EEPD1: variants seen among roughly 807,000 people sequenced by gnomAD.
EEPD1 encodes the protein endonuclease/exonuclease/phosphatase family domain-containing protein 1.
Under a neutral mutation model 46.3 loss-of-function variants are expected in EEPD1, and 17 were observed. The ratio of observed to expected loss-of-function variants is 0.37; its 90% CI spans 0.25 to 0.55. The LOEUF (loss-of-function observed/expected upper bound fraction) is 0.55. Ranked by LOEUF, EEPD1 falls within the 20% of genes least tolerant of loss-of-function variation. EEPD1 has a pLI of 0.83. For synonymous variants in EEPD1, 313 were observed against 315.6 expected (o/e 0.99, Z 0.09); for missense variants, 673 against 745.6 (o/e 0.90, Z 1.13).
chr7:36,163,926 C>T (rs941392926), intron 2 of EEPD1, among the ~76,000 whole-genome samples: 1 of 151,182 alleles, frequency 6.6e-6, no homozygotes, highest in Non-Finnish European at 1.5e-5. Context: ...TAATGCTTCT[C>T]AGAGTAGTTG....
rs1787590942 is a variant in EEPD1 at position 36,299,907 on chromosome 7, G to GGC, written c.*704_*705dup. On this transcript the variant is annotated 3_prime_UTR_variant, in exon 8 of 8. Transcript: ENST00000242108. Reference sequence around the variant, plus strand: ...TGTCCCCACCTTGAGGCCTTGCAGAGGCGCCTCTCAAGGCCCCATCAGCTC... The same window carrying GGC: ...TGTCCCCACCTTGAGGCCTTGCAGAGGCGCGCCTCTCAAGGCCCCATCAGCTC... 6.6e-6 allele frequency: 1 copy of GGC among 152,192 alleles called. No homozygotes were observed. The highest frequency in any genetic ancestry group is 6.5e-5 in the Admixed American group (1 of 15,278). 9.4% of individuals were successfully genotyped at this position (152,192 alleles called of 1,614,324 possible). A position where few individuals can be genotyped will look rare whatever the true frequency, so the allele number is the denominator to read the frequency against.
At position 36,281,238 on chromosome 7, in the gene EEPD1, G is replaced by A. The variant is rs750540337; in HGVS notation, c.1041+13G>A. ...TCAGCTCCAGAAGGTACCCTCGTCTGCAAAGCCTGGCCTTTCCCTTCATTT... is the reference window on the plus strand; with the variant it reads ...TCAGCTCCAGAAGGTACCCTCGTCTACAAAGCCTGGCCTTTCCCTTCATTT... On this transcript the variant is annotated intron_variant, in intron 4 of 7. Transcript: ENST00000242108. 2 of 1,606,492 alleles carry A rather than the reference G, an allele frequency of 1.2e-6. No individual in the cohort carries two copies. Among genetic ancestry groups the A allele is most frequent in the Non-Finnish European group, 1.7e-6 (2 of 1,173,376 alleles).
intron 2 of EEPD1, among the ~76,000 whole-genome samples, chr7:36,236,684 G>C (rs552875353): frequency 1.1e-4 from 16 of 152,292 alleles, no homozygotes; most frequent in Non-Finnish European, 2.2e-4. Flanking sequence ...AGCGCTCTGT[G>C]TCTAGCTCAT....
chr7:36,282,412 T>C (rs1783157290), intron 4 of EEPD1, among the ~76,000 whole-genome samples: 1 of 152,226 alleles, frequency 6.6e-6, no homozygotes, highest in African/African-American at 2.4e-5. Flanking sequence ...GTTTTCACTC[T>C]TTGCAAGACA....
Position 36,154,504 on chromosome 7 carries a change from G to A in EEPD1, c.180G>A (p.Val60=), listed in dbSNP as rs1784782433. The A allele has an allele frequency of 6.2e-7, 1 of 1,614,100 alleles. No homozygotes were observed. Among genetic ancestry groups the A allele is most frequent in the Admixed American group, 1.7e-5 (1 of 60,012 alleles). ...CCCTGCCTGGGGTGACGCGTGCCGT[G>A]GCACGCAGCATCGTGGAGTACCGAG... The part of the protein sequence containing the change: ...LMTLPGVTRA[V]ARSIVEYREY... Residue 60 remains valine (V), a synonymous_variant, in exon 2 of 8, where the codon GTG becomes GTA. Coordinates refer to ENST00000242108, the MANE Select transcript of EEPD1 (RefSeq NM_030636.3). This position sits in a 1 kb window ranked among gnomAD's most constrained non-coding sequence, Gnocchi z 4.2.
At chr7:36,296,960 C>G (rs1331078760) in intron 6 of EEPD1, 33 bp from the exon 7 acceptor site, 1 of 1,610,418 alleles carries the variant, frequency 6.2e-7, no homozygotes, top group Non-Finnish European at 8.5e-7. Context: ...TTCCCAACAA[C>G]TCTTAAACTC....
At chr7:36,285,452 C>T (rs974295971) in intron 5 of EEPD1, among the ~76,000 whole-genome samples, 1 of 152,178 alleles carries the variant, frequency 6.6e-6, no homozygotes, top group Non-Finnish European at 1.5e-5. Context: ...ATGTGGGAAT[C>T]TCTGTCCCCC....
intron 6 of EEPD1, among the ~76,000 whole-genome samples, chr7:36,291,228 C>G (rs945038933): frequency 2.0e-5 from 3 of 152,206 alleles, no homozygotes; most frequent in African/African-American, 7.2e-5. Context: ...CTTTCCAAAT[C>G]AAACTGCACC....
At chr7:36,244,352 A>G (rs1461258123) in intron 3 of EEPD1, among the ~76,000 whole-genome samples, 1 of 152,244 alleles carries the variant, frequency 6.6e-6, no homozygotes, top group Non-Finnish European at 1.5e-5. Context: ...TTTGAACAAT[A>G]AAAGATTTAA....
chr7:36,188,525 C>T (rs528547182), intron 2 of EEPD1, among the ~76,000 whole-genome samples: 6 of 152,250 alleles, frequency 3.9e-5, no homozygotes, highest in African/African-American at 9.6e-5. Context: ...CTGTGACCAA[C>T]GGAGATACAC....
chr7:36,158,483 G>C (rs2115594914), intron 2 of EEPD1, among the ~76,000 whole-genome samples: 1 of 152,298 alleles, frequency 6.6e-6, no homozygotes, highest in South Asian at 2.1e-4. Flanking sequence ...TAGCTGTATG[G>C]GATGGGAGTT....
intron 5 of EEPD1, among the ~76,000 whole-genome samples, chr7:36,285,683 C>T (rs1787333317): frequency 6.6e-6 from 1 of 152,158 alleles, no homozygotes. Context: ...GCTCAGCAAG[C>T]GTATCCCCTC....
At chr7:36,209,386 G>A (rs1583810265) in intron 2 of EEPD1, among the ~76,000 whole-genome samples, 2 of 152,202 alleles carry the variant, frequency 1.3e-5, no homozygotes, top group African/African-American at 4.8e-5. Context: ...CTCTGTTTCT[G>A]TAGTAGGGGC....
chr7:36,296,694 CTTTTT>C (rs60706978), intron 6 of EEPD1, among the ~76,000 whole-genome samples: 24 of 83,132 alleles, frequency 2.9e-4, no homozygotes, highest in South Asian at 1.1e-3. Flanking sequence ...ACCCTTAGGT[CTTTTT>C]TTTTTTTTTT....
At chr7:36,273,240 C>T (rs942094365) in intron 3 of EEPD1, among the ~76,000 whole-genome samples, 3 of 151,984 alleles carry the variant, frequency 2.0e-5, no homozygotes, top group Non-Finnish European at 2.9e-5. Context: ...CTGGTTTCGT[C>T]GTGTGTCGAA....
At chr7:36,199,958 A>G (rs1304065075) in intron 2 of EEPD1, among the ~76,000 whole-genome samples, 1 of 152,212 alleles carries the variant, frequency 6.6e-6, no homozygotes, top group African/African-American at 2.4e-5. Context: ...GTAGGCATTT[A>G]TAAAGAATAG....
chr7:36,155,325 TC>T, intron 2 of EEPD1, 123 bp downstream of exon 2: 1 of 1,183,994 alleles, frequency 8.4e-7, no homozygotes, highest in South Asian at 2.5e-5. Flanking sequence ...TAATCAATGT[TC>T]TTGAAGCCTC....
rs1785957016 is a variant in EEPD1, at chr7:36,212,732, GAC to G, written c.879-26249_879-26248del. Among the ~76,000 whole-genome samples the G allele has an allele frequency of 1.3e-5, 2 of 151,570 alleles. 1 individual carries two copies. Among genetic ancestry groups the G allele is most frequent in the Non-Finnish European group, 2.9e-5 (2 of 67,892 alleles). ...GCAGTTTCTAAATATAAGACACAAA[GAC>G]ACATGTACATGTAGGAATATACCAG... On this transcript the variant is annotated intron_variant, in intron 2 of 7. Coordinates refer to ENST00000242108, the MANE Select transcript of EEPD1 (RefSeq NM_030636.3).
intron 2 of EEPD1, among the ~76,000 whole-genome samples, chr7:36,161,906 A>G (rs917501136): frequency 1.3e-5 from 2 of 151,966 alleles, no homozygotes; most frequent in African/African-American, 2.4e-5. Context: ...TCAAAAAAAA[A>G]AAAAAAAAAA....
Sources: gnomAD v4.1 joint callset for allele counts (sites outside exome capture counted in the v4.1 genomes callset) on GRCh38, gnomAD v4.1.1 for gene constraint, Gnocchi (gnomAD v3.1) non-coding constraint, MANE v1.5 for transcripts, NCBI Gene and HGNC (gene_info 2026-07-23, HGNC 2026-07-21) for gene names.